The following IRAG1 variants were observed in gnomAD, a reference collection of about 807,000 sequenced individuals.
The protein encoded by IRAG1 is inositol 1,4,5-triphosphate receptor associated 1.
IRAG1 carries 62 observed loss-of-function variants against 106.2 expected under a neutral mutation model. That is an observed-to-expected ratio of 0.58 (90% CI 0.48 to 0.72). IRAG1 has a LOEUF of 0.72. Ranked by LOEUF, IRAG1 falls within the 30% of genes least tolerant of loss-of-function variation. The pLI, the probability that IRAG1 is intolerant of heterozygous loss-of-function variation, is 0.00. For synonymous variants in IRAG1, 462 were observed against 443.9 expected (o/e 1.04, Z -0.51); for missense variants, 1,064 against 1,140.7 (o/e 0.93, Z 0.97).
At chr11:10,626,782 C>A (rs977945528) in intron 8 of IRAG1, among the ~76,000 whole-genome samples, 199 bp from the exon 9 acceptor site, 1 of 152,196 alleles carries the variant, frequency 6.6e-6, no homozygotes, top group Non-Finnish European at 1.5e-5. Flanking sequence ...GAAAATGGAA[C>A]CTGCAATCCA....
chr11:10,674,309 G>A (rs1015146019), intron 1 of IRAG1, among the ~76,000 whole-genome samples: 1 of 152,166 alleles, frequency 6.6e-6, no homozygotes, highest in Non-Finnish European at 1.5e-5. Context: ...ACTCATTTTT[G>A]TAGGGAGCGC....
chr11:10,596,274 C>G (rs1209108082), intron 15 of IRAG1, among the ~76,000 whole-genome samples: 1 of 152,202 alleles, frequency 6.6e-6, no homozygotes, highest in Non-Finnish European at 1.5e-5. Flanking sequence ...ATAGTCTTTA[C>G]CAAGCCCTCA....
At chr11:10,629,862 G>T in intron 4 of IRAG1, 151 bp from the exon 5 acceptor site, 1 of 747,800 alleles carries the variant, frequency 1.3e-6, no homozygotes, top group Non-Finnish European at 2.1e-6. Flanking sequence ...GGTTGCATGG[G>T]GACAGACAGT....
chr11:10,680,599 C>A (rs1301087518), intron 1 of IRAG1, among the ~76,000 whole-genome samples: 1 of 151,758 alleles, frequency 6.6e-6, no homozygotes, highest in African/African-American at 2.4e-5. Flanking sequence ...TGCCCTAAAC[C>A]CTCTTAGGTT....
chr11:10,623,932 G>T, intron 9 of IRAG1, 76 bp from the exon 10 acceptor site: 1 of 1,377,762 alleles, frequency 7.3e-7, no homozygotes, highest in Non-Finnish European at 1.0e-6. Context: ...TCTGTCTATG[G>T]TTCTGCGACC....
chr11:10,681,086 C>T (rs977707332), intron 1 of IRAG1, among the ~76,000 whole-genome samples: 7 of 152,100 alleles, frequency 4.6e-5, no homozygotes, highest in Non-Finnish European at 7.4e-5. Flanking sequence ...TAGGGAGTGC[C>T]CGACACCTCC....
In IRAG1 at chr11:10,657,314, C is replaced by T. The variant is rs889603311; in HGVS notation, c.68-5132G>A. Reference sequence around the variant, plus strand: ...ATGAATGGCAGTGCTGGGAATTCACCGAATCTGGGTCTGATGCTCCCCTTC... The same window carrying T: ...ATGAATGGCAGTGCTGGGAATTCACTGAATCTGGGTCTGATGCTCCCCTTC... On this transcript the variant is annotated intron_variant, in intron 1 of 20. Coordinates refer to ENST00000423302, the MANE Select transcript of IRAG1 (RefSeq NM_130385.4). The surrounding 1 kb of genome is among the most constrained non-coding windows in gnomAD (Gnocchi z 4.1). Among the ~76,000 whole-genome samples, 1 of 152,132 alleles carries T rather than the reference C, an allele frequency of 6.6e-6. No individual in the cohort carries two copies. Among genetic ancestry groups the T allele is most frequent in the Non-Finnish European group, 1.5e-5 (1 of 68,026 alleles).
chr11:10,644,687 G>A (rs754923268), intron 2 of IRAG1, among the ~76,000 whole-genome samples: 1 of 152,168 alleles, frequency 6.6e-6, no homozygotes, highest in Non-Finnish European at 1.5e-5. Context: ...GGGGGGCAGG[G>A]GGATCCCTAC....
chr11:10,601,181 C>T, intron 14 of IRAG1, 122 bp from the exon 15 acceptor site: 1 of 1,351,032 alleles, frequency 7.4e-7, no homozygotes, highest in Non-Finnish European at 1.0e-6. Context: ...AAGACTCTGC[C>T]CTCTGAAGAG....
intron 1 of IRAG1, among the ~76,000 whole-genome samples, chr11:10,677,138 GC>G (rs951921943): frequency 2.0e-5 from 3 of 152,016 alleles, no homozygotes; most frequent in African/African-American, 7.2e-5. Context: ...CATACTCTGT[GC>G]CCCACCCATA....
In IRAG1 at chr11:10,576,136, T is replaced by G; in HGVS notation, c.*196A>C. Reference sequence around the variant, plus strand: ...CCACTGGATGCTTTCCCAGGGCAGTTTTGTTGATCCTCCAAGAACATCAAG... The same window carrying G: ...CCACTGGATGCTTTCCCAGGGCAGTGTTGTTGATCCTCCAAGAACATCAAG... On this transcript the variant is annotated 3_prime_UTR_variant, in exon 21 of 21. Transcript: ENST00000423302. 3.0e-6 allele frequency: 2 copies of G among 677,218 alleles called. No homozygotes were observed. Among genetic ancestry groups the G allele is most frequent in the Non-Finnish European group, 4.8e-6 (2 of 414,808 alleles). 42.0% of individuals were successfully genotyped at this position (677,218 alleles called of 1,614,324 possible). A position where few individuals can be genotyped will look rare whatever the true frequency, so the allele number is the denominator to read the frequency against.
intron 18 of IRAG1, among the ~76,000 whole-genome samples, chr11:10,586,797 C>G (rs1454996504): frequency 1.3e-5 from 2 of 152,146 alleles, no homozygotes; most frequent in African/African-American, 4.8e-5. Context: ...TTTTAGATAC[C>G]TGCATATGAC....
intron 2 of IRAG1, among the ~76,000 whole-genome samples, chr11:10,640,105 T>A (rs1857413215): frequency 6.6e-6 from 1 of 152,208 alleles, no homozygotes; most frequent in African/African-American, 2.4e-5. Context: ...TCGGTGTTGA[T>A]ACCTACCAGG....
At position 10,693,570 on chromosome 11, in the gene IRAG1, C is replaced by T; in HGVS notation, c.33G>A (p.Leu11=). The change falls in exon 1 of 21, where the codon CTG becomes CTA. Residue 11 remains leucine, a synonymous_variant. Transcript: ENST00000423302. ...AGTTATTCTCCTTTCCTCCTCTGGC[C>T]AGCCTCTCTTCACTCTGGGGAGCTT... is the stretch of plus-strand genomic sequence containing the variant. The part of the protein sequence containing the change: MVKAPQSEER[L]ARGGKENNSV... 6.5e-7 allele frequency: 1 copy of T among 1,535,528 alleles called. No homozygotes were observed. The highest frequency in any genetic ancestry group is 8.7e-7 in the Non-Finnish European group (1 of 1,146,870).
At position 10,659,120 on chromosome 11, in the gene IRAG1, T is replaced by A. The variant is rs1282445542; in HGVS notation, c.68-6938A>T. The stretch of plus-strand genomic sequence containing the variant: ...AAGCCCCAGTTCTTTCCACTATCCC[T>A]GTACTCATGATGACTCCCCCAAAAC... On this transcript the variant is annotated intron_variant, in intron 1 of 20. Coordinates refer to ENST00000423302, the MANE Select transcript of IRAG1 (RefSeq NM_130385.4). This position sits in a 1 kb window ranked among gnomAD's most constrained non-coding sequence, Gnocchi z 4.1. 6.6e-6 allele frequency among the ~76,000 whole-genome samples: 1 copy of A among 152,246 alleles called. No individual in the cohort carries two copies. The highest frequency in any genetic ancestry group is 1.5e-5 in the Non-Finnish European group (1 of 68,040).
chr11:10,634,881 T>A (rs1857026984), intron 2 of IRAG1, among the ~76,000 whole-genome samples: 2 of 152,122 alleles, frequency 1.3e-5, no homozygotes, highest in Admixed American at 1.3e-4. Context: ...TTGTCTATTG[T>A]GAATAGTGCA....
intron 1 of IRAG1, among the ~76,000 whole-genome samples, chr11:10,653,400 A>G (rs1858678826): frequency 6.6e-6 from 1 of 152,170 alleles, no homozygotes; most frequent in Non-Finnish European, 1.5e-5. Context: ...GTAACTGAAA[A>G]CATGCTCCAC....
intron 1 of IRAG1, among the ~76,000 whole-genome samples, chr11:10,660,155 C>T (rs1859280579): frequency 6.6e-6 from 1 of 152,166 alleles, no homozygotes; most frequent in African/African-American, 2.4e-5. Flanking sequence ...TAGTGGTGCA[C>T]AGGAGCCTGC....
chr11:10,606,855 T>A, intron 11 of IRAG1, 83 bp from the exon 12 acceptor site: 1 of 1,358,620 alleles, frequency 7.4e-7, no homozygotes, highest in Non-Finnish European at 1.0e-6. Flanking sequence ...CAGCAGACCA[T>A]GTGTTTCCAG....
Sources: gnomAD v4.1 joint callset for allele counts (sites outside exome capture counted in the v4.1 genomes callset) on GRCh38, gnomAD v4.1.1 for gene constraint, Gnocchi (gnomAD v3.1) non-coding constraint, MANE v1.5 for transcripts, NCBI Gene and HGNC (gene_info 2026-07-23, HGNC 2026-07-21) for gene names.